XKR4: variants seen among roughly 807,000 people sequenced by gnomAD.
XKR4 encodes XK-related protein 4.
XKR4 carries 12 observed loss-of-function variants against 53.9 expected under a neutral mutation model. The ratio of observed to expected loss-of-function variants is 0.22; its 90% CI spans 0.14 to 0.36. The LOEUF is 0.36. Among genes scored for constraint, XKR4 ranks in the 10% least tolerant of loss-of-function variants. The pLI is 1.00. For synonymous variants in XKR4, 354 were observed against 362.4 expected (o/e 0.98, Z 0.26); for missense variants, 799 against 859.5 (o/e 0.93, Z 0.88).
At chr8:55,449,704 A>T (rs1470057021) in intron 2 of XKR4, 1 of 889,926 alleles carries the variant, frequency 1.1e-6, no homozygotes, top group Non-Finnish European at 1.9e-6. Context: ...GGTCGATGAC[A>T]CCCTTGCACT....
intron 1 of XKR4, among the ~76,000 whole-genome samples, chr8:55,337,596 G>T (rs1316638397): frequency 2.0e-5 from 3 of 152,174 alleles, no homozygotes; most frequent in Non-Finnish European, 4.4e-5. Context: ...AGGAAAGACA[G>T]AGGCCAGTGA....
At chr8:55,348,393 G>A (rs1803679736) in intron 1 of XKR4, among the ~76,000 whole-genome samples, 1 of 152,056 alleles carries the variant, frequency 6.6e-6, no homozygotes, top group Non-Finnish European at 1.5e-5. Context: ...CTTCTCAAGG[G>A]GTAATTCTGG....
rs1007345629 is a variant in XKR4 at position 55,531,137 on chromosome 8, G to A, written c.*6910G>A. ...GCAGTCATGTGTCACTTAAGGATGG[G>A]GATATGTTCTGAGATATGCATCGTC... is the stretch of plus-strand genomic sequence containing the variant. On this transcript the variant is annotated 3_prime_UTR_variant, in exon 3 of 3. Transcript: ENST00000327381. 6.6e-6 allele frequency: 1 copy of A among 152,138 alleles called. No homozygotes were observed. The highest frequency in any genetic ancestry group is 2.4e-5 in the African/African-American group (1 of 41,436). 9.4% of individuals were successfully genotyped at this position (152,138 alleles called of 1,614,324 possible).
chr8:55,520,647 A>G (rs1806784433), intron 2 of XKR4, among the ~76,000 whole-genome samples: 1 of 152,254 alleles, frequency 6.6e-6, no homozygotes, highest in African/African-American at 2.4e-5. Context: ...GAGAATTCAT[A>G]AAGAGGGTAT....
intron 1 of XKR4, among the ~76,000 whole-genome samples, chr8:55,314,411 GC>G (rs988997152): frequency 1.3e-5 from 2 of 151,894 alleles, no homozygotes; most frequent in South Asian, 2.1e-4. Flanking sequence ...TCTGCCTGAG[GC>G]CCCCCCATCG....
At chr8:55,280,501 T>G (rs1818829899) in intron 1 of XKR4, among the ~76,000 whole-genome samples, 1 of 152,210 alleles carries the variant, frequency 6.6e-6, no homozygotes, top group Admixed American at 6.5e-5. Flanking sequence ...TAGTCCTATG[T>G]GCATCTATCC....
At chr8:55,310,288 G>A (rs1004312876) in intron 1 of XKR4, among the ~76,000 whole-genome samples, 7 of 152,080 alleles carry the variant, frequency 4.6e-5, no homozygotes, top group African/African-American at 7.2e-5. Flanking sequence ...AATGGGCTCC[G>A]GGGTCAGACT....
At chr8:55,263,462 G>T (rs954696140) in intron 1 of XKR4, among the ~76,000 whole-genome samples, 2 of 152,144 alleles carry the variant, frequency 1.3e-5, no homozygotes, top group South Asian at 4.1e-4. Flanking sequence ...GCCAGATCTG[G>T]TAAGTAGGTA....
At chr8:55,373,222 A>G (rs114340914) in intron 2 of XKR4, among the ~76,000 whole-genome samples, 1,716 of 152,302 alleles carry the variant, frequency 0.011, 15 homozygotes, top group African/African-American at 0.026. Context: ...TCGGGAGTAC[A>G]GTGGCGCGAT....
At chr8:55,120,181 C>T (rs1816371383) in intron 1 of XKR4, among the ~76,000 whole-genome samples, 1 of 152,138 alleles carries the variant, frequency 6.6e-6, no homozygotes, top group African/African-American at 2.4e-5. Context: ...TAACCAACCT[C>T]CTGTGCCAAA....
intron 2 of XKR4, among the ~76,000 whole-genome samples, chr8:55,390,916 A>G (rs1804435889): frequency 6.6e-6 from 1 of 152,218 alleles, no homozygotes; most frequent in Non-Finnish European, 1.5e-5. Context: ...AAATTGTTAA[A>G]TGTAAAAATA....
intron 1 of XKR4, among the ~76,000 whole-genome samples, chr8:55,105,684 A>G (rs1563457526): frequency 1.3e-5 from 2 of 152,200 alleles, no homozygotes; most frequent in Non-Finnish European, 2.9e-5. Context: ...TGATTAAAAT[A>G]TTTGGGGGAT....
At chr8:55,139,563 T>C (rs1408482850) in intron 1 of XKR4, among the ~76,000 whole-genome samples, 1 of 139,122 alleles carries the variant, frequency 7.2e-6, no homozygotes, top group Non-Finnish European at 1.6e-5. Flanking sequence ...CTAACGGAAA[T>C]AGGGTTCTCC....
At chr8:55,187,543 A>T (rs978566828) in intron 1 of XKR4, among the ~76,000 whole-genome samples, 3 of 152,186 alleles carry the variant, frequency 2.0e-5, no homozygotes, top group Non-Finnish European at 4.4e-5. Context: ...CAGGAATCTG[A>T]CCATCAAGAC....
At chr8:55,321,078 G>A (rs1022289199) in intron 1 of XKR4, among the ~76,000 whole-genome samples, 11 of 152,056 alleles carry the variant, frequency 7.2e-5, no homozygotes, top group South Asian at 2.1e-4. Flanking sequence ...TGATAGAAAC[G>A]AGGAGGTAAG....
chr8:55,441,868 A>G (rs1805273395), intron 2 of XKR4, among the ~76,000 whole-genome samples: 1 of 152,154 alleles, frequency 6.6e-6, no homozygotes, highest in Admixed American at 6.5e-5. Flanking sequence ...TGTTTAGAAG[A>G]AAACAATAAG....
At chr8:55,162,223 C>T (rs756817145) in intron 1 of XKR4, among the ~76,000 whole-genome samples, 1 of 152,116 alleles carries the variant, frequency 6.6e-6, no homozygotes, top group Non-Finnish European at 1.5e-5. Flanking sequence ...GAGTACACAC[C>T]GAGTGCCTCC....
At chr8:55,172,710 A>T (rs1817179327) in intron 1 of XKR4, among the ~76,000 whole-genome samples, 1 of 152,244 alleles carries the variant, frequency 6.6e-6, no homozygotes, top group Non-Finnish European at 1.5e-5. Flanking sequence ...TCATACAGAC[A>T]AAAAAGAAAT....
intron 1 of XKR4, among the ~76,000 whole-genome samples, chr8:55,211,870 C>T (rs537237833): frequency 6.6e-6 from 1 of 152,178 alleles, no homozygotes; most frequent in Non-Finnish European, 1.5e-5. Flanking sequence ...CCCAGAGGAT[C>T]CTGAGAACAT....
Sources: gnomAD v4.1 joint callset for allele counts (sites outside exome capture counted in the v4.1 genomes callset) on GRCh38, gnomAD v4.1.1 for gene constraint, MANE v1.5 for transcripts, NCBI Gene and HGNC (gene_info 2026-07-23, HGNC 2026-07-21) for gene names.